Variants in MYO16 observed in about 807,000 individuals in gnomAD.
MYO16 encodes myosin XVI.
In MYO16, 94 loss-of-function variants were observed where a neutral mutation model predicts 205.3. That is an observed-to-expected ratio of 0.46 (90% confidence interval 0.39 to 0.54). The LOEUF is 0.54. Ranked by LOEUF, MYO16 falls within the 20% of genes least tolerant of loss-of-function variation. MYO16 has a pLI of 0.00. For synonymous variants in MYO16, 988 were observed against 954.0 expected (o/e 1.04, Z -0.66); for missense variants, 2,315 against 2,387.5 (o/e 0.97, Z 0.63).
chr13:108,571,026 G>C, the MYO16 span, among the ~76,000 whole-genome samples: 1 of 152,038 alleles, frequency 6.6e-6, no homozygotes, highest in Admixed American at 6.6e-5. Flanking sequence ...TTGGGTTTTT[G>C]GTATAGGTAA....
chr13:108,817,534 A>T (rs1263871465), intron 7 of MYO16, among the ~76,000 whole-genome samples: 1 of 152,134 alleles, frequency 6.6e-6, no homozygotes. Flanking sequence ...GACGGGGGGA[A>T]CTGTTGGTGA....
chr13:108,816,070 T>C lies in MYO16; in HGVS notation c.868-4267T>C, dbSNP rs183391058. ...AAGAAAAAATGGTCTTCTCCAAAAA[T>C]GTTGCTGAAAAACAAATGGTGCTGG... is the stretch of plus-strand genomic sequence containing the variant. On this transcript the variant is annotated intron_variant, in intron 7 of 34. Transcript: ENST00000457511. Among the ~76,000 whole-genome samples the C allele has an allele frequency of 4.6e-5, 7 of 152,276 alleles. No homozygotes were observed. The East Asian group carries it at 1.2e-3, about 25-fold the overall frequency.
chr13:109,019,255 G>C (rs558870269), intron 22 of MYO16, among the ~76,000 whole-genome samples: 12 of 152,206 alleles, frequency 7.9e-5, no homozygotes, highest in Non-Finnish European at 1.5e-4. Context: ...TTGGATTATA[G>C]GCCTAAGCCA....
intron 12 of MYO16, among the ~76,000 whole-genome samples, chr13:108,879,982 T>C (rs1380380223): frequency 6.6e-6 from 1 of 152,178 alleles, no homozygotes; most frequent in Non-Finnish European, 1.5e-5. Context: ...CCACAAACAG[T>C]GTAAAAGTGT....
In MYO16 at chr13:108,998,425, A is replaced by G. The variant is rs1885106821; in HGVS notation, c.2442+5977A>G. 1.3e-5 allele frequency among the ~76,000 whole-genome samples: 2 copies of G among 152,216 alleles called. 1 individual carries two copies. The highest frequency in any genetic ancestry group is 4.1e-4 in the South Asian group (2 of 4,828). On this transcript the variant is annotated intron_variant, in intron 21 of 34. Coordinates refer to ENST00000457511, the MANE Select transcript of MYO16 (RefSeq NM_001198950.3). ...CATTATGGTATGGCAGGTAAGGTAC[A>G]AATGTTAAAAGGGCAAATTCCTTTT...
chr13:109,127,560 G>C lies in MYO16; in HGVS notation c.4051+10G>C. 2 of 1,605,870 alleles carry C rather than the reference G, an allele frequency of 1.2e-6. No individual in the cohort carries two copies. The highest frequency in any genetic ancestry group is 1.7e-6 in the Non-Finnish European group (2 of 1,179,130). ...GAAGCGGCCAACGAAGGTCAGCCCTGGGGAGGGACCCAGCCTCGTGTTCCG... is the reference window on the plus strand; with the variant it reads ...GAAGCGGCCAACGAAGGTCAGCCCTCGGGAGGGACCCAGCCTCGTGTTCCG... On this transcript the variant is annotated intron_variant, in intron 31 of 34. Coordinates refer to ENST00000457511, the MANE Select transcript of MYO16 (RefSeq NM_001198950.3). This position sits in a 1 kb window ranked among gnomAD's most constrained non-coding sequence, Gnocchi z 4.2.
Position 108,793,477 on chromosome 13 carries a change from ATC to A in MYO16, c.617-34_617-33del, listed in dbSNP as rs768960427. 6 of 1,601,912 alleles carry A rather than the reference ATC, an allele frequency of 3.7e-6. No homozygotes were observed. In the East Asian group the frequency reaches 8.9e-5, roughly 24 times the overall value. ...CTTTGACCCCCAGGAACTGAGAAGT[ATC>A]TCTCCATTCTGGTTGAAAGGCTCTT... On this transcript the variant is annotated intron_variant, in intron 5 of 34. Transcript: ENST00000457511.
At chr13:109,022,464 A>G (rs1486337394) in intron 23 of MYO16, among the ~76,000 whole-genome samples, 2 of 130,900 alleles carry the variant, frequency 1.5e-5, no homozygotes, top group East Asian at 4.3e-4. Context: ...TATACAATAT[A>G]AACATATGTA....
chr13:108,582,276 C>G, the MYO16 span, among the ~76,000 whole-genome samples: 2 of 152,156 alleles, frequency 1.3e-5, no homozygotes, highest in Non-Finnish European at 2.9e-5. Context: ...TGAAACACCA[C>G]CGAGTCATTT....
intron 20 of MYO16, among the ~76,000 whole-genome samples, chr13:108,989,842 T>C (rs940059869): frequency 3.9e-5 from 6 of 152,126 alleles, no homozygotes; most frequent in Non-Finnish European, 5.9e-5. Context: ...TTTAATAAGA[T>C]TGATACTTTT....
chr13:109,146,510 T>C (rs538767425), intron 32 of MYO16, among the ~76,000 whole-genome samples: 354 of 152,262 alleles, frequency 2.3e-3, no homozygotes, highest in Non-Finnish European at 6.3e-4. Context: ...CAGCCAGGCA[T>C]GGTGGTTCAT....
intron 3 of MYO16, among the ~76,000 whole-genome samples, chr13:108,724,976 A>T (rs1176760508): frequency 6.6e-6 from 1 of 152,136 alleles, no homozygotes; most frequent in Non-Finnish European, 1.5e-5. Flanking sequence ...CAGATCACTG[A>T]TGCTCTGCCA....
At chr13:108,688,043 C>T (rs190265995) in intron 2 of MYO16, among the ~76,000 whole-genome samples, 4 of 152,212 alleles carry the variant, frequency 2.6e-5, no homozygotes, top group Middle Eastern at 3.4e-3. Context: ...GAAGCATTTG[C>T]CATGTAGAGT....
intron 16 of MYO16, among the ~76,000 whole-genome samples, chr13:108,920,809 T>G (rs1051395540): frequency 6.6e-6 from 1 of 152,224 alleles, no homozygotes; most frequent in African/African-American, 2.4e-5. Flanking sequence ...TAAGAGATAT[T>G]TATTTTCGTA....
intron 34 of MYO16, among the ~76,000 whole-genome samples, chr13:109,184,998 C>T (rs1435222048): frequency 6.6e-6 from 1 of 152,164 alleles, no homozygotes; most frequent in African/African-American, 2.4e-5. Flanking sequence ...TGGTCTCAAA[C>T]TCCTGACCTC....
rs1006762278 is a variant in MYO16 at position 109,207,093 on chromosome 13, C to G, written c.*257C>G. 2.3e-6 allele frequency: 1 copy of G among 441,286 alleles called. No homozygotes were observed. The highest frequency in any genetic ancestry group is 4.1e-6 in the Non-Finnish European group (1 of 243,074). 27.3% of individuals were successfully genotyped at this position (441,286 alleles called of 1,614,324 possible). A position where few individuals can be genotyped will look rare whatever the true frequency, so the allele number is the denominator to read the frequency against. ...CTCCTCATTTACGGCTCTGTGCTACCCCTAGGTAGCAAGAGAGAGGCTGGG... is the reference window on the plus strand; with the variant it reads ...CTCCTCATTTACGGCTCTGTGCTACGCCTAGGTAGCAAGAGAGAGGCTGGG... On this transcript the variant is annotated 3_prime_UTR_variant, in exon 35 of 35. Transcript: ENST00000457511.
rs543079512 is a variant in MYO16, at chr13:109,055,356, T to C, written c.3130-34T>C. 1 of 1,531,610 alleles carries C rather than the reference T, an allele frequency of 6.5e-7. No individual in the cohort carries two copies. The highest frequency in any genetic ancestry group is 9.0e-7 in the Non-Finnish European group (1 of 1,113,020). 94.9% of individuals were successfully genotyped at this position (1,531,610 alleles called of 1,614,324 possible). ...TTATATTTTTAGCTAGTGTCTCCTT[T>C]GGAGAATCAGTTGGGTTCTACTTCT... On this transcript the variant is annotated intron_variant, in intron 26 of 34. Coordinates refer to ENST00000457511, the MANE Select transcript of MYO16 (RefSeq NM_001198950.3). The surrounding 1 kb of genome is among the most constrained non-coding windows in gnomAD (Gnocchi z 5.0).
chr13:108,564,694 G>A, the MYO16 span, among the ~76,000 whole-genome samples: 6 of 152,208 alleles, frequency 3.9e-5, no homozygotes, highest in South Asian at 4.1e-4. Context: ...GGTTGCTTAC[G>A]CTTGTAGAAT....
chr13:108,832,870 G>T (rs1442473616), intron 9 of MYO16, among the ~76,000 whole-genome samples: 1 of 152,022 alleles, frequency 6.6e-6, no homozygotes, highest in Non-Finnish European at 1.5e-5. Context: ...AAATTCTACA[G>T]AATGTGTTTA....
Sources: gnomAD v4.1 joint callset for allele counts (sites outside exome capture counted in the v4.1 genomes callset) on GRCh38, gnomAD v4.1.1 for gene constraint, Gnocchi (gnomAD v3.1) non-coding constraint, MANE v1.5 for transcripts, NCBI Gene and HGNC (gene_info 2026-07-23, HGNC 2026-07-21) for gene names.